AFF3: variants seen among roughly 807,000 people sequenced by gnomAD.
The protein encoded by AFF3 is AF4/FMR2 family member 3.
Under a neutral mutation model 129.7 loss-of-function variants are expected in AFF3, and 32 were observed. That is an observed-to-expected ratio of 0.25 (90% confidence interval 0.19 to 0.33). The LOEUF is 0.33. AFF3 is among the 10% of genes least tolerant of loss of function. The pLI, the probability that AFF3 is intolerant of heterozygous loss-of-function variation, is 1.00. For synonymous variants in AFF3, 644 were observed against 635.4 expected (o/e 1.01, Z -0.20); for missense variants, 1,373 against 1,592.0 (o/e 0.86, Z 2.34).
chr2:99,835,215 G>A (rs955653774), intron 8 of AFF3, among the ~76,000 whole-genome samples: 6 of 152,042 alleles, frequency 3.9e-5, no homozygotes, highest in African/African-American at 9.7e-5. Flanking sequence ...CATTTAAACT[G>A]CTAATGTGAT....
intron 7 of AFF3, among the ~76,000 whole-genome samples, chr2:99,856,582 T>C (rs1384606880): frequency 6.6e-6 from 1 of 152,212 alleles, no homozygotes; most frequent in Admixed American, 6.5e-5. Flanking sequence ...GAGAGTGAGA[T>C]AAATTGATTC....
chr2:99,784,394 T>C (rs1236960024), intron 8 of AFF3, among the ~76,000 whole-genome samples: 1 of 152,152 alleles, frequency 6.6e-6, no homozygotes, highest in African/African-American at 2.4e-5. Flanking sequence ...CTAAATATGA[T>C]AGAGCACGGT....
At chr2:99,947,447 T>C (rs78712911) in intron 7 of AFF3, among the ~76,000 whole-genome samples, 1,147 of 108,130 alleles carry the variant, frequency 0.011, 7 homozygotes, top group Middle Eastern at 0.034. Flanking sequence ...CCTCCAAAGA[T>C]AGAAAGACAG....
At chr2:99,694,913 C>T (rs139861143) in intron 11 of AFF3, among the ~76,000 whole-genome samples, 25 of 152,164 alleles carry the variant, frequency 1.6e-4, no homozygotes, top group South Asian at 1.0e-3. Flanking sequence ...CTATGTTCGT[C>T]GGGCTAGTCT....
At chr2:99,627,588 T>C (rs909687196) in intron 13 of AFF3, among the ~76,000 whole-genome samples, 1 of 152,202 alleles carries the variant, frequency 6.6e-6, no homozygotes, top group Non-Finnish European at 1.5e-5. Context: ...TTGGATCCCA[T>C]GTGTCAATTT....
intron 4 of AFF3, among the ~76,000 whole-genome samples, chr2:100,089,096 A>G (rs1689672991): frequency 1.3e-5 from 2 of 152,166 alleles, no homozygotes; most frequent in African/African-American, 2.4e-5. Flanking sequence ...GTGTGAACCT[A>G]TGCTCTGGGG....
chr2:99,901,523 T>C (rs1694342139), intron 7 of AFF3, among the ~76,000 whole-genome samples: 2 of 152,126 alleles, frequency 1.3e-5, no homozygotes, highest in African/African-American at 2.4e-5. Flanking sequence ...TCTTCAGGTG[T>C]TCACTATTTC....
intron 7 of AFF3, among the ~76,000 whole-genome samples, chr2:100,001,735 T>C (rs1157450821): frequency 2.0e-5 from 3 of 152,214 alleles, no homozygotes; most frequent in Non-Finnish European, 4.4e-5. Context: ...CCCAAGTGCT[T>C]CACCTTTTAA....
At chr2:100,049,211 T>C (rs2028137) in intron 4 of AFF3, among the ~76,000 whole-genome samples, 135,098 of 152,244 alleles carry the variant, frequency 0.89, 60,193 homozygotes, top group African/African-American at 0.97. Context: ...CATGTGACCA[T>C]ACATCCCACC....
At chr2:100,041,618 G>C (rs1416180400) in intron 4 of AFF3, among the ~76,000 whole-genome samples, 1 of 152,138 alleles carries the variant, frequency 6.6e-6, no homozygotes, top group African/African-American at 2.4e-5. Context: ...AGCCACAGGG[G>C]ATATACAGTC....
intron 7 of AFF3, among the ~76,000 whole-genome samples, chr2:99,902,128 C>T (rs1227759407): frequency 6.6e-6 from 1 of 151,660 alleles, no homozygotes; most frequent in Admixed American, 6.6e-5. Context: ...AGATGTCTGA[C>T]ATATTTGGAA....
intron 11 of AFF3, among the ~76,000 whole-genome samples, chr2:99,714,886 C>T (rs554759166): frequency 4.6e-5 from 7 of 152,300 alleles, no homozygotes; most frequent in South Asian, 4.1e-4. Flanking sequence ...AATGCAGGGA[C>T]ACTGACATGA....
At chr2:99,571,015 T>G (rs1676427676) in intron 18 of AFF3, among the ~76,000 whole-genome samples, 2 of 152,264 alleles carry the variant, frequency 1.3e-5, no homozygotes, top group Admixed American at 1.3e-4. Context: ...TTCTGAGCTG[T>G]ACTGGGCATG....
At chr2:99,821,979 CTT>C (rs536034272) in intron 8 of AFF3, among the ~76,000 whole-genome samples, 242 of 152,244 alleles carry the variant, frequency 1.6e-3, no homozygotes, top group Middle Eastern at 0.01. Context: ...AAACACAAGT[CTT>C]GTGTCCCCAA....
At chr2:100,083,619 C>T (rs1559113553) in intron 4 of AFF3, among the ~76,000 whole-genome samples, 1 of 152,234 alleles carries the variant, frequency 6.6e-6, no homozygotes, top group Non-Finnish European at 1.5e-5. Flanking sequence ...AAAACGGCTG[C>T]TGCCAGAGCC....
In AFF3 at chr2:100,078,587, T is replaced by C. The variant is rs184651758; in HGVS notation, c.53+25815A>G. Among the ~76,000 whole-genome samples, 298 of 152,272 alleles carry C rather than the reference T, an allele frequency of 2.0e-3. 5 individuals are homozygous for C. Among genetic ancestry groups the C allele is most frequent in the African/African-American group, 6.9e-3 (288 of 41,558 alleles). On this transcript the variant is annotated intron_variant, in intron 4 of 24. Coordinates refer to ENST00000672756, the MANE Select transcript of AFF3 (RefSeq NM_001386135.1). The stretch of plus-strand genomic sequence containing the variant: ...TTAATATAATCAGTGTTGTAAATTA[T>C]GGCACAGAGAACAGGCTCATTCAGC...
intron 7 of AFF3, among the ~76,000 whole-genome samples, chr2:99,965,547 C>G (rs2104371195): frequency 6.6e-6 from 1 of 152,294 alleles, no homozygotes; most frequent in East Asian, 1.9e-4. Flanking sequence ...ACAGGTCTGC[C>G]TTTGCTTTTT....
intron 8 of AFF3, among the ~76,000 whole-genome samples, chr2:99,783,727 TTCC>T (rs1203857556): frequency 6.6e-6 from 1 of 152,190 alleles, no homozygotes; most frequent in Non-Finnish European, 1.5e-5. Context: ...TTGCAGAAAC[TTCC>T]AGAAAAAGAA....
At chr2:99,595,892 C>T (rs1176941976) in intron 14 of AFF3, among the ~76,000 whole-genome samples, 1 of 152,176 alleles carries the variant, frequency 6.6e-6, no homozygotes, top group Non-Finnish European at 1.5e-5. Flanking sequence ...TGCTGGTTGC[C>T]CCAAACCAGA....
Sources: allele counts gnomAD v4.1 joint callset (sites outside exome capture counted in the v4.1 genomes callset), GRCh38; gene constraint gnomAD v4.1.1; transcripts MANE v1.5; gene names NCBI Gene and HGNC (gene_info 2026-07-23, HGNC 2026-07-21).